The following TPTE variants were observed in gnomAD, a reference collection of about 807,000 sequenced individuals.
TPTE encodes putative tyrosine-protein phosphatase TPTE.
A neutral mutation model predicts 84.1 loss-of-function variants in TPTE; 59 were observed. That is an observed-to-expected ratio of 0.70 (90% confidence interval 0.57 to 0.87). The LOEUF is 0.87. Ranked by LOEUF, TPTE falls within the 40% of genes least tolerant of loss-of-function variation. The pLI, the probability that TPTE is intolerant of heterozygous loss-of-function variation, is 0.00. For missense variants in TPTE, 382 were observed against 659.6 expected (o/e 0.58, Z 4.61); for synonymous variants, 130 against 223.5 (o/e 0.58, Z 3.73).
chr21:10,548,215 C>T (rs2074506150), intron 7 of TPTE, among the ~76,000 whole-genome samples: 1 of 152,302 alleles, frequency 6.6e-6, no homozygotes, highest in South Asian at 2.1e-4. Context: ...TTACTCAGGC[C>T]AACTAAGCAG....
At chr21:10,553,554 TAAGCAAGGC>T (rs2074621479) in intron 8 of TPTE, among the ~76,000 whole-genome samples, 1 of 152,312 alleles carries the variant, frequency 6.6e-6, no homozygotes, top group Non-Finnish European at 1.5e-5. Context: ...TTAGACCGAT[TAAGCAAGGC>T]AAGCATTTCC....
At chr21:10,562,221 T>C (rs369692108) in intron 10 of TPTE, among the ~76,000 whole-genome samples, 1,877 of 151,642 alleles carry the variant, frequency 0.012, no homozygotes, top group South Asian at 0.064. Flanking sequence ...TAGATCACAG[T>C]ATCCAAGTTC....
chr21:10,554,748 A>G (rs2074646091), intron 8 of TPTE, among the ~76,000 whole-genome samples: 1 of 152,310 alleles, frequency 6.6e-6, no homozygotes, highest in Admixed American at 6.5e-5. Context: ...ATTCACCAAA[A>G]TTTCTGTTTT....
At chr21:10,580,741 T>C (rs1296377190) in intron 17 of TPTE, among the ~76,000 whole-genome samples, 1 of 152,310 alleles carries the variant, frequency 6.6e-6, no homozygotes, top group African/African-American at 2.4e-5. Flanking sequence ...TTTAAGGTTG[T>C]TCTTAAACTT....
At chr21:10,570,437 T>C in intron 13 of TPTE, 48 bp from the exon 14 acceptor site, 1 of 1,613,418 alleles carries the variant, frequency 6.2e-7, no homozygotes, top group South Asian at 1.1e-5. Context: ...TTGTATGTTG[T>C]ATGAAATCTA....
chr21:10,533,091 TTAGA>T (rs1333441576), intron 3 of TPTE, among the ~76,000 whole-genome samples: 44 of 152,406 alleles, frequency 2.9e-4, no homozygotes, highest in African/African-American at 1.0e-3. Flanking sequence ...ATTCTAGATG[TTAGA>T]TAGCTGTTTT....
intron 3 of TPTE, among the ~76,000 whole-genome samples, chr21:10,533,628 G>C (rs1210095914): frequency 6.6e-6 from 1 of 152,308 alleles, no homozygotes; most frequent in East Asian, 1.9e-4. Flanking sequence ...CCTTTCAAAA[G>C]TGTCCTGGTT....
Position 10,527,375 on chromosome 21 carries a change from A to T in TPTE, c.-81A>T, listed in dbSNP as rs1052814229. 1.3e-5 allele frequency: 2 copies of T among 152,656 alleles called. No individual in the cohort carries two copies. Among genetic ancestry groups the T allele is most frequent in the African/African-American group, 2.4e-5 (1 of 41,400 alleles). The allele number at this position is 152,656 out of a possible 1,614,324, so 9.5% of individuals were successfully genotyped here. A position where few individuals can be genotyped will look rare whatever the true frequency, so the allele number is the denominator to read the frequency against. On this transcript the variant is annotated 5_prime_UTR_variant, in exon 3 of 24. Coordinates refer to ENST00000618007, the MANE Select transcript of TPTE (RefSeq NM_199261.4). ...GGTAGAGTTATGGATTCACTACCAG[A>T]TTCTACTGTATGCTCTTGACAACTA...
At chr21:10,545,114 C>T (rs2145628027) in intron 7 of TPTE, among the ~76,000 whole-genome samples, 1 of 152,426 alleles carries the variant, frequency 6.6e-6, no homozygotes, top group South Asian at 2.1e-4. Context: ...TTGCTATGTT[C>T]ATTTTTAATC....
At chr21:10,559,438 T>G (rs1469946597) in intron 8 of TPTE, 56 bp from the exon 9 acceptor site, 2 of 1,607,200 alleles carry the variant, frequency 1.2e-6, no homozygotes, top group African/African-American at 2.7e-5. Flanking sequence ...TTTGGTTAAA[T>G]TTACAATATA....
intron 19 of TPTE, among the ~76,000 whole-genome samples, chr21:10,592,987 CTG>C (rs2075513883): frequency 1.3e-5 from 2 of 152,284 alleles, no homozygotes; most frequent in East Asian, 1.9e-4. Context: ...CACTGTTACT[CTG>C]TTTTTTCTTT....
intron 14 of TPTE, among the ~76,000 whole-genome samples, chr21:10,576,075 G>T (rs1483675622): frequency 1.3e-5 from 2 of 152,308 alleles, no homozygotes; most frequent in Non-Finnish European, 2.9e-5. Flanking sequence ...CCATTATGGG[G>T]TATATACCCA....
rs376573334 is a variant in TPTE, at chr21:10,605,555, A to G, written c.*3A>G. 18 of 1,614,004 alleles carry G rather than the reference A, an allele frequency of 1.1e-5. No homozygotes were observed. The highest frequency in any genetic ancestry group is 2.2e-5 in the East Asian group (1 of 44,874). On this transcript the variant is annotated 3_prime_UTR_variant, in exon 24 of 24. Coordinates refer to ENST00000618007, the MANE Select transcript of TPTE (RefSeq NM_199261.4). ...ATGTTGTAGCTGGATCCGATTAAGT[A>G]TAGCTCCCCCTTCCCCTTCTGGGAA...
intron 7 of TPTE, among the ~76,000 whole-genome samples, chr21:10,544,608 A>G (rs1600875620): frequency 6.6e-6 from 1 of 152,046 alleles, no homozygotes; most frequent in Non-Finnish European, 1.5e-5. Flanking sequence ...CTGGTCTTGA[A>G]CTCCTGCCCT....
chr21:10,592,806 G>GTT, intron 19 of TPTE, among the ~76,000 whole-genome samples: 2 of 14,802 alleles, frequency 1.4e-4, no homozygotes, highest in Non-Finnish European at 2.3e-4. Context: ...ATGACTCCTG[G>GTT]TGTGTGTGTG....
At chr21:10,542,223 A>G (rs2074381775) in intron 5 of TPTE, among the ~76,000 whole-genome samples, 172 bp from the exon 6 acceptor site, 1 of 152,308 alleles carries the variant, frequency 6.6e-6, no homozygotes, top group African/African-American at 2.4e-5. Flanking sequence ...GTCGCCATAT[A>G]AATCCTCATT....
intron 3 of TPTE, among the ~76,000 whole-genome samples, chr21:10,529,183 C>CAAAA: frequency 1.4e-5 from 2 of 144,140 alleles, no homozygotes; most frequent in African/African-American, 2.6e-5. Context: ...AACTCTGTCT[C>CAAAA]AAAAAAAAAA....
At chr21:10,524,935 T>C (rs1600846816) in intron 2 of TPTE, among the ~76,000 whole-genome samples, 1 of 152,306 alleles carries the variant, frequency 6.6e-6, no homozygotes, top group East Asian at 1.9e-4. Flanking sequence ...ATAATAGAAA[T>C]AGAAAAAATT....
chr21:10,571,486 A>G (rs373311894), intron 14 of TPTE, among the ~76,000 whole-genome samples: 1 of 152,296 alleles, frequency 6.6e-6, no homozygotes, highest in Admixed American at 6.5e-5. Context: ...AAGAAACACC[A>G]TAATTCCCCA....
Sources: allele counts gnomAD v4.1 joint callset (sites outside exome capture counted in the v4.1 genomes callset), GRCh38; gene constraint gnomAD v4.1.1; transcripts MANE v1.5; gene names NCBI Gene and HGNC (gene_info 2026-07-23, HGNC 2026-07-21).